Variants in BTG4 observed in about 807,000 individuals in gnomAD.
The protein encoded by BTG4 is protein BTG4.
In BTG4, 10 loss-of-function variants were observed where a neutral mutation model predicts 19.3. That is an observed-to-expected ratio of 0.52 (90% CI 0.32 to 0.88). The LOEUF (loss-of-function observed/expected upper bound fraction) is 0.88. Among genes scored for constraint, BTG4 ranks in the 40% least tolerant of loss-of-function variants. BTG4 has a pLI of 0.04. For synonymous variants in BTG4, 91 were observed against 95.7 expected, an observed-to-expected ratio of 0.95 and a Z score of 0.29; for missense variants, 238 against 281.9, an observed-to-expected ratio of 0.84 and a Z score of 1.11.
At chr11:111,433,984 C>T in the BTG4 span, among the ~76,000 whole-genome samples, 3 of 152,200 alleles carry the variant, frequency 2.0e-5, no homozygotes, top group African/African-American at 7.2e-5. Flanking sequence ...TTGTGGAAGA[C>T]AATGTAGCGA....
At chr11:111,403,914 C>A in the BTG4 span, among the ~76,000 whole-genome samples, 1 of 152,114 alleles carries the variant, frequency 6.6e-6, no homozygotes, top group East Asian at 1.9e-4. Context: ...ATGTACCAGT[C>A]AGGATGGTAA....
chr11:111,514,470 G>T (rs897139988), upstream of BTG4: 2 of 377,000 alleles, frequency 5.3e-6, 1 homozygote, highest in South Asian at 5.7e-5. Flanking sequence ...TATCTTTCTG[G>T]GGGGAGGGGA....
chr11:111,508,089 T>C (rs1866589392), intron 1 of BTG4, among the ~76,000 whole-genome samples: 1 of 152,226 alleles, frequency 6.6e-6, no homozygotes, highest in South Asian at 2.1e-4. Context: ...TCAACACCTC[T>C]ACTTTTCGTC....
chr11:111,450,532 G>T, the BTG4 span: 2 of 152,478 alleles, frequency 1.3e-5, no homozygotes, highest in African/African-American at 2.4e-5. Context: ...CAGGGCGTGT[G>T]CTCTGTCCCA....
the BTG4 span, among the ~76,000 whole-genome samples, chr11:111,387,257 G>C: frequency 2.0e-5 from 3 of 152,262 alleles, no homozygotes; most frequent in Admixed American, 6.5e-5. Flanking sequence ...ATCTGAAGAA[G>C]CAGTAAGATT....
chr11:111,392,878 A>G, the BTG4 span, among the ~76,000 whole-genome samples: 2 of 152,154 alleles, frequency 1.3e-5, no homozygotes, highest in Non-Finnish European at 2.9e-5. Flanking sequence ...TGAGGGTTAG[A>G]TTATTGGATG....
At chr11:111,449,748 C>T in the BTG4 span, 1 of 152,312 alleles carries the variant, frequency 6.6e-6, no homozygotes, top group Non-Finnish European at 1.5e-5. Flanking sequence ...ATGGACATGA[C>T]CCAAGCCCTG....
At chr11:111,412,471 T>G in the BTG4 span, among the ~76,000 whole-genome samples, 3 of 152,226 alleles carry the variant, frequency 2.0e-5, no homozygotes, top group Admixed American at 6.5e-5. Context: ...GCATACCACT[T>G]TGATGCTGAC....
At chr11:111,435,491 C>A in the BTG4 span, among the ~76,000 whole-genome samples, 1 of 152,210 alleles carries the variant, frequency 6.6e-6, no homozygotes, top group East Asian at 1.9e-4. Context: ...GAAAGCATAC[C>A]GCTCAGGGTT....
the BTG4 span, among the ~76,000 whole-genome samples, chr11:111,400,797 C>T: frequency 3.3e-5 from 5 of 152,174 alleles, no homozygotes; most frequent in Non-Finnish European, 7.3e-5. Context: ...ATGTTCATAT[C>T]ACATAGCCTT....
chr11:111,445,391 G>T, the BTG4 span, among the ~76,000 whole-genome samples: 2 of 152,150 alleles, frequency 1.3e-5, no homozygotes. Context: ...TGTGTATCGT[G>T]CCAACAGGGT....
the BTG4 span, chr11:111,401,053 TAAAAAAAAAAAAAAAA>T: frequency 1.7e-4 from 14 of 82,160 alleles, no homozygotes; most frequent in East Asian, 6.0e-3. Flanking sequence ...ACCTGGAGCA[TAAAAAAAAAAAAAAAA>T]AAAAAAAAAA....
chr11:111,444,540 G>C, the BTG4 span, among the ~76,000 whole-genome samples: 3 of 152,162 alleles, frequency 2.0e-5, no homozygotes, highest in African/African-American at 7.2e-5. Context: ...CTATTTGATA[G>C]CACAACAGGG....
At chr11:111,397,386 T>G in the BTG4 span, among the ~76,000 whole-genome samples, 1 of 152,092 alleles carries the variant, frequency 6.6e-6, no homozygotes, top group Non-Finnish European at 1.5e-5. Flanking sequence ...CCCCCACACT[T>G]TCTAGGATCC....
At chr11:111,384,283 C>T in the BTG4 span, among the ~76,000 whole-genome samples, 7 of 151,652 alleles carry the variant, frequency 4.6e-5, no homozygotes, top group African/African-American at 1.7e-4. Flanking sequence ...CTTGCCCTGT[C>T]CTTGTCTTAC....
At chr11:111,471,204 A>G (rs1386366650) in intron 5 of BTG4, among the ~76,000 whole-genome samples, 1 of 152,170 alleles carries the variant, frequency 6.6e-6, no homozygotes, top group Non-Finnish European at 1.5e-5. Context: ...AAGATAAGGA[A>G]TTTGCCCAAA....
chr11:111,488,686 A>G (rs928398613), intron 5 of BTG4, among the ~76,000 whole-genome samples: 2 of 152,236 alleles, frequency 1.3e-5, no homozygotes, highest in Non-Finnish European at 2.9e-5. Flanking sequence ...AGATATTTAC[A>G]AACTACCCAT....
chr11:111,491,760 A>G (rs1358731678), downstream of BTG4, among the ~76,000 whole-genome samples: 3 of 151,516 alleles, frequency 2.0e-5, no homozygotes, highest in Admixed American at 1.3e-4. Context: ...AGAAAGAAAG[A>G]AAGAAAAGAA....
chr11:111,397,399 C>T, the BTG4 span, among the ~76,000 whole-genome samples: 53 of 152,268 alleles, frequency 3.5e-4, no homozygotes, highest in Admixed American at 6.5e-4. Context: ...TAGGATCCAG[C>T]ATATTCAGCT....
Sources: allele counts gnomAD v4.1 joint callset (sites outside exome capture counted in the v4.1 genomes callset), GRCh38; gene constraint gnomAD v4.1.1; transcripts MANE v1.5; gene names NCBI Gene and HGNC (gene_info 2026-07-23, HGNC 2026-07-21).